Variants in ST18 observed in about 807,000 individuals in gnomAD.
ST18 encodes ST18 C2H2C-type zinc finger transcription factor.
A neutral mutation model predicts 110.0 loss-of-function variants in ST18; 50 were observed. The observed-to-expected ratio is 0.45, with a 90% confidence interval of 0.36 to 0.58. ST18 has a LOEUF of 0.58. Ranked by LOEUF, ST18 falls within the 20% of genes least tolerant of loss-of-function variation. ST18 has a pLI of 0.00. For missense variants in ST18, 1,306 were observed against 1,280.1 expected (o/e 1.02, Z -0.31); for synonymous variants, 461 against 452.4 (o/e 1.02, Z -0.24).
At chr8:52,117,524 A>C (rs1394525947) in intron 24 of ST18, among the ~76,000 whole-genome samples, 1 of 152,190 alleles carries the variant, frequency 6.6e-6, no homozygotes, top group African/African-American at 2.4e-5. Flanking sequence ...AATTCCCATG[A>C]TTTCTAGACA....
chr8:52,334,278 G>A (rs62499843), intron 2 of ST18, among the ~76,000 whole-genome samples: 15,608 of 152,126 alleles, frequency 0.1, 1,068 homozygotes, highest in Middle Eastern at 0.21. Context: ...AAAATGTTAC[G>A]TTTGGCAAAT....
intron 2 of ST18, among the ~76,000 whole-genome samples, chr8:52,307,289 A>G (rs1446273551): frequency 3.3e-5 from 5 of 152,212 alleles, no homozygotes; most frequent in African/African-American, 1.2e-4. Context: ...CCAAATTCCA[A>G]GCTCCAAAAT....
chr8:52,389,281 G>GA (rs1371577267), intron 2 of ST18, among the ~76,000 whole-genome samples: 1 of 152,204 alleles, frequency 6.6e-6, no homozygotes, highest in Non-Finnish European at 1.5e-5. Context: ...GAGGAAAAGG[G>GA]AATCAAGCAG....
chr8:52,164,440 T>C (rs1205538923), intron 12 of ST18, among the ~76,000 whole-genome samples: 12 of 152,252 alleles, frequency 7.9e-5, no homozygotes, highest in Admixed American at 7.8e-4. Context: ...ACTCCTTGAC[T>C]TATCTTAGCA....
chr8:52,204,334 T>C (rs918595321), intron 8 of ST18, among the ~76,000 whole-genome samples: 2 of 152,220 alleles, frequency 1.3e-5, no homozygotes, highest in Non-Finnish European at 2.9e-5. Context: ...AAGTAATTAG[T>C]AAAGTCCAAC....
chr8:52,215,813 A>G (rs974401958), intron 6 of ST18, among the ~76,000 whole-genome samples: 4 of 152,188 alleles, frequency 2.6e-5, no homozygotes, highest in African/African-American at 9.7e-5. Context: ...GATAGTAAGC[A>G]CTGTGTTGTG....
At chr8:52,140,421 C>T (rs1395275818) in intron 17 of ST18, among the ~76,000 whole-genome samples, 2 of 151,978 alleles carry the variant, frequency 1.3e-5, no homozygotes, top group East Asian at 3.9e-4. Flanking sequence ...TCCCAGCTGC[C>T]TGGGAGGTTG....
At chr8:52,243,767 T>G (rs1297938383) in intron 2 of ST18, among the ~76,000 whole-genome samples, 1 of 152,228 alleles carries the variant, frequency 6.6e-6, no homozygotes, top group Admixed American at 6.5e-5. Flanking sequence ...ACAAATTATA[T>G]GTACAATGTT....
rs376254019 is a variant in ST18, at chr8:52,318,473, T to C, written c.-464-88396A>G. ...TGGGAGTGTAAATTGGTTCAACCAT[T>C]GCGGAAGACAGTGGCAATTCCTCAA... On this transcript the variant is annotated intron_variant, in intron 2 of 25. Coordinates refer to ENST00000689386, the MANE Select transcript of ST18 (RefSeq NM_001352837.2). 8.9e-4 allele frequency among the ~76,000 whole-genome samples: 135 copies of C among 152,312 alleles called. 3 individuals are homozygous for C. In the South Asian group the frequency reaches 0.026, roughly 29 times the overall value.
chr8:52,330,764 T>C (rs1208819136), intron 2 of ST18, among the ~76,000 whole-genome samples: 2 of 152,230 alleles, frequency 1.3e-5, no homozygotes, highest in African/African-American at 4.8e-5. Context: ...GAACACTGTG[T>C]CTGGGCAATG....
intron 8 of ST18, among the ~76,000 whole-genome samples, chr8:52,190,121 T>C (rs542384981): frequency 2.2e-4 from 34 of 152,320 alleles, no homozygotes; most frequent in Middle Eastern, 3.4e-3. Flanking sequence ...CCTGACCTCA[T>C]GTGACAGGTG....
chr8:52,146,807 C>G (rs930050048), intron 16 of ST18, among the ~76,000 whole-genome samples: 3 of 152,154 alleles, frequency 2.0e-5, no homozygotes, highest in African/African-American at 7.2e-5. Context: ...GATGAAGGAA[C>G]AGAGAACAAG....
chr8:52,379,625 G>T (rs946738721), intron 2 of ST18, among the ~76,000 whole-genome samples: 43 of 151,716 alleles, frequency 2.8e-4, no homozygotes, highest in Admixed American at 2.0e-4. Context: ...TTAGAAAAAG[G>T]TATGTCACAA....
intron 2 of ST18, among the ~76,000 whole-genome samples, chr8:52,369,404 A>G (rs1488307736): frequency 6.6e-6 from 1 of 152,190 alleles, no homozygotes. Flanking sequence ...CTTCCTGCTG[A>G]CTGGATTGTG....
chr8:52,375,337 C>A (rs1449040389), intron 2 of ST18, among the ~76,000 whole-genome samples: 1 of 152,194 alleles, frequency 6.6e-6, no homozygotes, highest in Non-Finnish European at 1.5e-5. Flanking sequence ...CTCAAAACCA[C>A]TGCCTTAGCC....
In ST18 at chr8:52,229,427, C is replaced by G. The variant is rs187540743; in HGVS notation, c.-419+605G>C. Among the ~76,000 whole-genome samples the G allele has an allele frequency of 1.0e-3, 153 of 152,278 alleles. 1 individual carries two copies. The highest frequency in any genetic ancestry group is 3.1e-4 in the Non-Finnish European group (21 of 68,032). The stretch of plus-strand genomic sequence containing the variant: ...TCCTTGCTGTCATAGGACTGAGGTC[C>G]CTGTTTTCTTGCAGGTTGTAAACTG... On this transcript the variant is annotated intron_variant, in intron 3 of 25. Coordinates refer to ENST00000689386, the MANE Select transcript of ST18 (RefSeq NM_001352837.2).
At chr8:52,183,275 A>G (rs184116224) in intron 8 of ST18, among the ~76,000 whole-genome samples, 3 of 152,314 alleles carry the variant, frequency 2.0e-5, no homozygotes, top group East Asian at 3.9e-4. Flanking sequence ...CAGCCTGAAG[A>G]AGATACTGAG....
At chr8:52,333,372 G>A (rs1330996354) in intron 2 of ST18, among the ~76,000 whole-genome samples, 1 of 151,222 alleles carries the variant, frequency 6.6e-6, no homozygotes, top group Non-Finnish European at 1.5e-5. Context: ...TTTAAAGAAA[G>A]CAACCAGCTC....
At chr8:52,179,122 G>C (rs2068279944) in intron 9 of ST18, among the ~76,000 whole-genome samples, 1 of 151,992 alleles carries the variant, frequency 6.6e-6, no homozygotes, top group South Asian at 2.1e-4. Context: ...ATCATGTTTA[G>C]TAGAATATAC....
Sources: allele counts gnomAD v4.1 joint callset (sites outside exome capture counted in the v4.1 genomes callset), GRCh38; gene constraint gnomAD v4.1.1; transcripts MANE v1.5; gene names NCBI Gene and HGNC (gene_info 2026-07-23, HGNC 2026-07-21).